ARHGAP26: variants seen among roughly 807,000 people sequenced by gnomAD.
The protein encoded by ARHGAP26 is Rho GTPase activating protein 26.
ARHGAP26 carries 38 observed loss-of-function variants against 104.8 expected under a neutral mutation model. The observed-to-expected ratio is 0.36, with a 90% confidence interval of 0.28 to 0.48. ARHGAP26 has a LOEUF of 0.48. Among genes scored for constraint, ARHGAP26 ranks in the 20% least tolerant of loss-of-function variants. The pLI, the probability that ARHGAP26 is intolerant of heterozygous loss-of-function variation, is 0.99. For missense variants in ARHGAP26, 704 were observed against 947.9 expected (o/e 0.74, Z 3.38); for synonymous variants, 341 against 340.0 (o/e 1.00, Z -0.03).
chr5:142,831,032 G>A (rs945302339), intron 1 of ARHGAP26, among the ~76,000 whole-genome samples: 33 of 152,296 alleles, frequency 2.2e-4, no homozygotes, highest in African/African-American at 7.9e-4. Flanking sequence ...CTGTAGGAGT[G>A]TTTGTGGGGA....
intron 14 of ARHGAP26, among the ~76,000 whole-genome samples, chr5:143,048,922 A>G (rs1466817368): frequency 6.6e-6 from 1 of 151,176 alleles, no homozygotes; most frequent in Non-Finnish European, 1.5e-5. Flanking sequence ...CAAAAAAGAA[A>G]AAAAAAAAAA....
chr5:142,933,458 G>T (rs997150589), intron 11 of ARHGAP26, among the ~76,000 whole-genome samples: 6 of 152,142 alleles, frequency 3.9e-5, no homozygotes, highest in African/African-American at 1.4e-4. Flanking sequence ...TACAGGCTAG[G>T]TTGCTATTAA....
intron 11 of ARHGAP26, among the ~76,000 whole-genome samples, chr5:142,956,853 C>T (rs190815436): frequency 1.3e-3 from 193 of 152,168 alleles, no homozygotes; most frequent in African/African-American, 4.0e-3. Flanking sequence ...AGGAAGCAAA[C>T]GCAGAAACCC....
At chr5:142,826,609 C>G (rs915474377) in intron 1 of ARHGAP26, among the ~76,000 whole-genome samples, 1 of 152,166 alleles carries the variant, frequency 6.6e-6, no homozygotes, top group African/African-American at 2.4e-5. Context: ...GGTGACTTGT[C>G]GCCACACCAT....
chr5:143,132,840 C>A (rs566875531), intron 18 of ARHGAP26, among the ~76,000 whole-genome samples: 69 of 146,884 alleles, frequency 4.7e-4, no homozygotes, highest in African/African-American at 1.7e-3. Flanking sequence ...TTATTGTATC[C>A]ATTTAAAAAG....
intron 20 of ARHGAP26, among the ~76,000 whole-genome samples, chr5:143,179,107 G>A (rs1056947405): frequency 2.6e-5 from 4 of 152,224 alleles, no homozygotes; most frequent in South Asian, 2.1e-4. Flanking sequence ...TGACCTTAGC[G>A]ATCCACCTGC....
chr5:142,798,196 T>C (rs1030701853), intron 1 of ARHGAP26, among the ~76,000 whole-genome samples: 2 of 152,158 alleles, frequency 1.3e-5, no homozygotes, highest in South Asian at 2.1e-4. Context: ...ATGACCCCCT[T>C]ATTGTGGTCT....
At chr5:142,902,193 A>G (rs1235108667) in intron 7 of ARHGAP26, among the ~76,000 whole-genome samples, 154 bp downstream of exon 7, 1 of 152,170 alleles carries the variant, frequency 6.6e-6, no homozygotes, top group East Asian at 1.9e-4. Context: ...AGGCGTTTCT[A>G]GAGTGCTTGG....
chr5:143,212,122 C>T (rs1809561456), intron 21 of ARHGAP26, among the ~76,000 whole-genome samples: 2 of 152,078 alleles, frequency 1.3e-5, no homozygotes, highest in African/African-American at 4.8e-5. Flanking sequence ...TTTTAGTCCC[C>T]CTTCCCTGGT....
intron 11 of ARHGAP26, among the ~76,000 whole-genome samples, chr5:142,984,346 A>G (rs954648292): frequency 1.3e-5 from 2 of 152,230 alleles, no homozygotes; most frequent in African/African-American, 4.8e-5. Flanking sequence ...TAAGGAAGAA[A>G]AGGAAACAGA....
chr5:142,770,921 T>G lies in ARHGAP26; in HGVS notation c.154+6T>G. The G allele has an allele frequency of 6.2e-7, 1 of 1,600,750 alleles. No individual in the cohort carries two copies. The highest frequency in any genetic ancestry group is 8.5e-7 in the Non-Finnish European group (1 of 1,173,006). The stretch of plus-strand genomic sequence containing the variant: ...ACTCATAAGCGCGCTCAAGAGTGAG[T>G]GTCCCGAGCCCCTCGGGGACGCGGC... On this transcript the variant is annotated splice_donor_region_variant and intron_variant, in intron 1 of 22. Transcript: ENST00000645722.
intron 5 of ARHGAP26, among the ~76,000 whole-genome samples, chr5:142,886,745 C>T (rs899642293): frequency 5.9e-5 from 9 of 152,020 alleles, no homozygotes; most frequent in African/African-American, 1.9e-4. Context: ...CTTATTTTCA[C>T]GAGATACAAA....
Position 143,121,161 on chromosome 5 carries a change from G to C in ARHGAP26, c.1698+14G>C. The C allele has an allele frequency of 6.2e-7, 1 of 1,608,998 alleles. No homozygotes were observed. ...AACCACGAAAAGGTAATATGTAATT[G>C]ATCACTTGCAGTGAAGAATGTACCT... On this transcript the variant is annotated intron_variant, in intron 18 of 22. Transcript: ENST00000645722.
intron 12 of ARHGAP26, among the ~76,000 whole-genome samples, chr5:143,015,977 T>C (rs1779528584): frequency 6.6e-6 from 1 of 152,184 alleles, no homozygotes; most frequent in African/African-American, 2.4e-5. Context: ...AAAGAAATCA[T>C]TAGAGTGCAA....
intron 18 of ARHGAP26, among the ~76,000 whole-genome samples, chr5:143,126,516 A>G (rs565132237): frequency 1.8e-4 from 27 of 152,376 alleles, no homozygotes; most frequent in African/African-American, 6.3e-4. Flanking sequence ...CATCAAAATC[A>G]CACATTAAAC....
At chr5:143,118,955 AAG>A (rs1464688145) in intron 17 of ARHGAP26, among the ~76,000 whole-genome samples, 6 of 151,828 alleles carry the variant, frequency 4.0e-5, no homozygotes, top group African/African-American at 1.5e-4. Context: ...AAAAAAAAAA[AAG>A]AAAGAAGAAA....
At chr5:142,839,871 G>T (rs1770391331) in intron 1 of ARHGAP26, among the ~76,000 whole-genome samples, 1 of 145,866 alleles carries the variant, frequency 6.9e-6, no homozygotes, top group Non-Finnish European at 1.5e-5. Context: ...GTCCAGTTTT[G>T]TGTTGCGACA....
intron 18 of ARHGAP26, among the ~76,000 whole-genome samples, chr5:143,124,090 T>A (rs1355989600): frequency 1.3e-5 from 2 of 152,238 alleles, no homozygotes; most frequent in Non-Finnish European, 2.9e-5. Context: ...CAGCACCTTT[T>A]CATGTGAAAC....
intron 5 of ARHGAP26, among the ~76,000 whole-genome samples, chr5:142,885,755 A>G (rs1757610095): frequency 6.6e-6 from 1 of 151,976 alleles, no homozygotes; most frequent in Non-Finnish European, 1.5e-5. Context: ...TTACCTTTTG[A>G]CTTCCTGCCT....
Sources: allele counts gnomAD v4.1 joint callset (sites outside exome capture counted in the v4.1 genomes callset), GRCh38; gene constraint gnomAD v4.1.1; transcripts MANE v1.5; gene names NCBI Gene and HGNC (gene_info 2026-07-23, HGNC 2026-07-21).